Variants in MCF2L observed in about 807,000 individuals in gnomAD.
The protein encoded by MCF2L is guanine nucleotide exchange factor DBS.
A neutral mutation model predicts 153.4 loss-of-function variants in MCF2L; 97 were observed. The ratio of observed to expected loss-of-function variants is 0.63; its 90% CI spans 0.54 to 0.75. MCF2L has a LOEUF of 0.75. Among genes scored for constraint, MCF2L ranks in the 30% least tolerant of loss-of-function variants. MCF2L has a pLI of 0.00. For synonymous variants in MCF2L, 659 were observed against 632.2 expected (o/e 1.04, Z -0.64); for missense variants, 1,347 against 1,495.2 (o/e 0.90, Z 1.64).
chr13:112,961,686 C>A (rs751649996), intron 2 of MCF2L, among the ~76,000 whole-genome samples: 1 of 152,244 alleles, frequency 6.6e-6, no homozygotes, highest in Non-Finnish European at 1.5e-5. Flanking sequence ...CTGTTGAGGG[C>A]ATCCCCACTG....
At chr13:112,898,359 C>T (rs572554121) in intron 1 of MCF2L, among the ~76,000 whole-genome samples, 87 of 152,302 alleles carry the variant, frequency 5.7e-4, no homozygotes, top group East Asian at 4.4e-3. Context: ...GAGGTGGGCG[C>T]GTGTTTGTTT....
chr13:112,968,728 G>A, upstream of MCF2L: 5 of 1,386,240 alleles, frequency 3.6e-6, no homozygotes, highest in Non-Finnish European at 3.7e-6. Context: ...AAGGGAGGCG[G>A]CGGCCAGGCG....
intron 1 of MCF2L, among the ~76,000 whole-genome samples, chr13:113,012,089 G>T (rs190296566): frequency 8.5e-6 from 1 of 117,678 alleles, no homozygotes; most frequent in Non-Finnish European, 1.9e-5. Context: ...GTGGACAGTG[G>T]ACACTGCAGT....
At chr13:112,994,255 C>T (rs1012902448) in intron 1 of MCF2L, among the ~76,000 whole-genome samples, 8 of 149,690 alleles carry the variant, frequency 5.3e-5, no homozygotes, top group East Asian at 2.0e-4. Flanking sequence ...GCAGGTGTCT[C>T]GGGCAGGGGC....
In MCF2L at chr13:113,028,561, T is replaced by C. The variant is rs1460345212; in HGVS notation, c.278+3803T>C. On this transcript the variant is annotated intron_variant, in intron 3 of 29. Coordinates refer to ENST00000535094, the MANE Select transcript of MCF2L (RefSeq NM_001112732.3). The surrounding 1 kb of genome is among the most constrained non-coding windows in gnomAD (Gnocchi z 5.4). ...CGGAGCGCAGGCCCAGTCCCCGCTG[T>C]GGACACGCGGGCCCCAGGTTGCTCA... Among the ~76,000 whole-genome samples, 1 of 152,230 alleles carries C rather than the reference T, an allele frequency of 6.6e-6. No individual in the cohort carries two copies. The highest frequency in any genetic ancestry group is 6.5e-5 in the Admixed American group (1 of 15,278).
chr13:113,077,187 G>A lies in MCF2L; in HGVS notation c.1636G>A (p.Ala546Thr). 1 of 1,597,644 alleles carries A rather than the reference G, an allele frequency of 6.3e-7. No individual in the cohort carries two copies. Among genetic ancestry groups the A allele is most frequent in the South Asian group, 1.1e-5 (1 of 89,244 alleles). The change falls in exon 13 of 30, where the codon GCA (alanine) becomes ACA (threonine). Residue 546 changes from alanine (A) to threonine (T), a missense_variant. Physicochemically the swap from Ala to Thr is moderately conservative, Grantham distance 58. Around this residue, in one of 3 missense-constraint regions of MCF2L, gnomAD observed 820 missense variants for 921.2 expected, o/e 0.89. Coordinates refer to ENST00000535094, the MANE Select transcript of MCF2L (RefSeq NM_001112732.3). The part of the protein sequence containing the change: ...QPVAPRPEAL[A>T]KSPCPSPGIR... ...GGTGGCCCCCAGACCCGAGGCACTG[G>A]CAAAGTCGCCCTGCCCCTCCCCAGG...
chr13:112,994,658 G>A (rs536063761), intron 1 of MCF2L, among the ~76,000 whole-genome samples: 11 of 152,232 alleles, frequency 7.2e-5, no homozygotes, highest in Non-Finnish European at 1.5e-4. Context: ...CGGTGAGGCC[G>A]CGCGATGTCC....
chr13:112,923,660 C>T (rs1269434039), intron 2 of MCF2L, among the ~76,000 whole-genome samples: 4 of 152,140 alleles, frequency 2.6e-5, no homozygotes, highest in Non-Finnish European at 4.4e-5. Flanking sequence ...AATGGCAAAA[C>T]CCACAATTAC....
At position 113,096,447 on chromosome 13, in the gene MCF2L, T is replaced by C. The variant is rs766665721; in HGVS notation, c.3152T>C (p.Val1051Ala). 29 of 1,593,080 alleles carry C rather than the reference T, an allele frequency of 1.8e-5. No homozygotes were observed. The African/African-American group carries it at 3.6e-4, about 20-fold the overall frequency. ...GCGCTGCGCGTGAGGAGCGGGGACGTGGTGGAGCTGGTGCAGGAGGGCGAC... is the reference window on the plus strand; with the variant it reads ...GCGCTGCGCGTGAGGAGCGGGGACGCGGTGGAGCTGGTGCAGGAGGGCGAC... ...PDALRVRSGD[V>A]VELVQEGDEG... The change falls in exon 28 of 30, where the codon GTG becomes GCG. Residue 1051 changes from valine to alanine, a missense_variant. Physicochemically the swap from Val to Ala is moderately conservative, Grantham distance 64. Transcript: ENST00000535094.
intron 1 of MCF2L, among the ~76,000 whole-genome samples, chr13:112,978,147 CCATTTT>C (rs2082277203): frequency 6.6e-6 from 1 of 152,198 alleles, no homozygotes; most frequent in Non-Finnish European, 1.5e-5. Flanking sequence ...ATCTGTTTCC[CCATTTT>C]CATGTGAGTC....
intron 1 of MCF2L, among the ~76,000 whole-genome samples, chr13:113,003,932 T>C (rs565701528): frequency 9.9e-5 from 15 of 152,206 alleles, no homozygotes; most frequent in African/African-American, 3.1e-4. Flanking sequence ...AGGGTGCCAG[T>C]TGGGGGAGGC....
chr13:113,092,105 C>T (rs563097573), intron 26 of MCF2L, among the ~76,000 whole-genome samples: 2 of 152,344 alleles, frequency 1.3e-5, no homozygotes, highest in African/African-American at 2.4e-5. Flanking sequence ...TCCCTGTTGA[C>T]AGTCTCCTGG....
chr13:112,970,130 A>C (rs1268194855), intron 1 of MCF2L, among the ~76,000 whole-genome samples: 1 of 152,200 alleles, frequency 6.6e-6, no homozygotes, highest in East Asian at 1.9e-4. Flanking sequence ...AGGCTGTGTT[A>C]TGCAGAAGGG....
chr13:112,911,150 C>T (rs2081227515), intron 2 of MCF2L, among the ~76,000 whole-genome samples: 1 of 152,172 alleles, frequency 6.6e-6, no homozygotes, highest in South Asian at 2.1e-4. Context: ...CGGTGGGTGG[C>T]GAATGCCAAG....
intron 2 of MCF2L, among the ~76,000 whole-genome samples, chr13:112,913,442 A>G (rs2081257282): frequency 6.6e-6 from 1 of 152,016 alleles, no homozygotes; most frequent in Non-Finnish European, 1.5e-5. Context: ...AGCTGCAGGC[A>G]TTTTTCAAAG....
chr13:112,898,249 C>T (rs1390679413), intron 1 of MCF2L, among the ~76,000 whole-genome samples: 4 of 152,192 alleles, frequency 2.6e-5, no homozygotes, highest in Non-Finnish European at 4.4e-5. Context: ...GTGTGGCCGA[C>T]GTAAAGTCCA....
intron 2 of MCF2L, among the ~76,000 whole-genome samples, chr13:112,958,483 C>T (rs1206512699): frequency 1.3e-5 from 2 of 152,214 alleles, no homozygotes; most frequent in Non-Finnish European, 2.9e-5. Flanking sequence ...CACATCCACA[C>T]GACACCCGCA....
intron 2 of MCF2L, among the ~76,000 whole-genome samples, chr13:112,909,060 C>T (rs201314560): frequency 3.4e-4 from 52 of 152,148 alleles, no homozygotes; most frequent in Admixed American, 1.2e-3. Context: ...TCGGCTTTGC[C>T]GAGGGGATGA....
intron 1 of MCF2L, among the ~76,000 whole-genome samples, chr13:112,995,033 T>C (rs566896278): frequency 2.0e-5 from 3 of 152,370 alleles, no homozygotes; most frequent in African/African-American, 7.2e-5. Flanking sequence ...CCTCCTGTCC[T>C]GTCACCTTTC....
Sources: allele counts gnomAD v4.1 joint callset (sites outside exome capture counted in the v4.1 genomes callset), GRCh38; gene constraint gnomAD v4.1.1; regional missense constraint gnomAD v4.1.1; non-coding constraint Gnocchi (gnomAD v3.1); transcripts MANE v1.5; gene names NCBI Gene and HGNC (gene_info 2026-07-23, HGNC 2026-07-21).